The following FGF14 variants were observed in gnomAD, a reference collection of about 807,000 sequenced individuals.
FGF14 encodes the protein fibroblast growth factor 14, also known as fibroblast growth factor homologous factor 4.
Under a neutral mutation model 25.5 loss-of-function variants are expected in FGF14, and 5 were observed. The observed-to-expected ratio is 0.20, with a 90% confidence interval of 0.10 to 0.41. The LOEUF (loss-of-function observed/expected upper bound fraction) is 0.41. FGF14 is among the 10% of genes least tolerant of loss of function. FGF14 has a pLI of 1.00. For missense variants in FGF14, 222 were observed against 320.1 expected (o/e 0.69, Z 2.34); for synonymous variants, 138 against 118.3 (o/e 1.17, Z -1.08).
intron 1 of FGF14, among the ~76,000 whole-genome samples, chr13:102,321,520 T>C (rs1442324854): frequency 6.6e-6 from 1 of 152,216 alleles, no homozygotes; most frequent in African/African-American, 2.4e-5. Context: ...TTGCTAATTA[T>C]TGGAAATTTT....
chr13:102,320,996 T>TTAC (rs2056222196), intron 1 of FGF14, among the ~76,000 whole-genome samples: 1 of 152,194 alleles, frequency 6.6e-6, no homozygotes, highest in South Asian at 2.1e-4. Context: ...ATTTATAACC[T>TTAC]GGGTAGCTGG....
At chr13:101,837,718 C>T (rs541530906) in intron 3 of FGF14, among the ~76,000 whole-genome samples, 1 of 152,172 alleles carries the variant, frequency 6.6e-6, no homozygotes, top group South Asian at 2.1e-4. Flanking sequence ...ATCACTTTCA[C>T]AATTTTCAAT....
chr13:102,062,265 C>G (rs561537985), intron 1 of FGF14, among the ~76,000 whole-genome samples: 2 of 151,918 alleles, frequency 1.3e-5, no homozygotes. Context: ...AAATAGAAAA[C>G]TCTACTTACT....
At chr13:101,865,438 A>G (rs908861289) in intron 3 of FGF14, among the ~76,000 whole-genome samples, 1 of 152,128 alleles carries the variant, frequency 6.6e-6, no homozygotes, top group African/African-American at 2.4e-5. Context: ...CCCACACTGT[A>G]CCTTCAATCA....
At chr13:102,078,142 G>A (rs2043448563) in intron 1 of FGF14, among the ~76,000 whole-genome samples, 1 of 151,980 alleles carries the variant, frequency 6.6e-6, no homozygotes, top group African/African-American at 2.4e-5. Flanking sequence ...TACGGGGTGG[G>A]GGCTCAGAAG....
chr13:102,031,199 T>C (rs2041190387), intron 1 of FGF14, among the ~76,000 whole-genome samples: 1 of 152,090 alleles, frequency 6.6e-6, no homozygotes, highest in African/African-American at 2.4e-5. Context: ...GCATACTTAT[T>C]TTGTACCCTT....
intron 1 of FGF14, among the ~76,000 whole-genome samples, chr13:102,348,481 C>T (rs2057178369): frequency 6.6e-6 from 1 of 152,162 alleles, no homozygotes; most frequent in South Asian, 2.1e-4. Context: ...TTAAGGACTA[C>T]AGGAAGTGAG....
At chr13:101,952,245 G>A (rs1203605849) in intron 1 of FGF14, among the ~76,000 whole-genome samples, 1 of 152,114 alleles carries the variant, frequency 6.6e-6, no homozygotes, top group Non-Finnish European at 1.5e-5. Flanking sequence ...AGGATTCCAA[G>A]TCTTTCCACT....
intron 1 of FGF14, among the ~76,000 whole-genome samples, chr13:102,047,066 G>C (rs530021663): frequency 2.0e-5 from 3 of 152,000 alleles, no homozygotes. Context: ...AGGAATTGGC[G>C]AAGTATACTC....
intron 1 of FGF14, among the ~76,000 whole-genome samples, chr13:101,931,516 T>A (rs537505054): frequency 3.9e-5 from 6 of 152,262 alleles, no homozygotes; most frequent in Admixed American, 3.9e-4. Flanking sequence ...CCCTCTCTCC[T>A]CCTCCACCAT....
At chr13:101,819,287 C>T (rs2041996950) in intron 3 of FGF14, among the ~76,000 whole-genome samples, 1 of 152,060 alleles carries the variant, frequency 6.6e-6, no homozygotes, top group South Asian at 2.1e-4. Context: ...AGAAAAACAG[C>T]CAAGATTATT....
At chr13:102,069,930 A>G (rs557729562) in intron 1 of FGF14, among the ~76,000 whole-genome samples, 1 of 152,320 alleles carries the variant, frequency 6.6e-6, no homozygotes, top group Non-Finnish European at 1.5e-5. Flanking sequence ...TGAAACTACT[A>G]AAAGAAAACA....
intron 2 of FGF14, among the ~76,000 whole-genome samples, chr13:101,869,688 T>C (rs576020943): frequency 6.6e-6 from 1 of 152,258 alleles, no homozygotes; most frequent in Non-Finnish European, 1.5e-5. Context: ...CAAGTCCTTC[T>C]TAACTAAGTC....
chr13:102,388,921 G>T (rs555380092), intron 1 of FGF14, among the ~76,000 whole-genome samples: 1 of 152,096 alleles, frequency 6.6e-6, no homozygotes, highest in African/African-American at 2.4e-5. Context: ...TCACTAAGCC[G>T]CTAAAATATG....
intron 1 of FGF14, among the ~76,000 whole-genome samples, chr13:101,944,569 A>G (rs1010615586): frequency 2.0e-5 from 3 of 152,218 alleles, no homozygotes; most frequent in African/African-American, 7.2e-5. Flanking sequence ...TACAATATTA[A>G]AGCTCACTAT....
At chr13:102,320,134 G>A (rs895708092) in intron 1 of FGF14, among the ~76,000 whole-genome samples, 7 of 152,006 alleles carry the variant, frequency 4.6e-5, no homozygotes, top group South Asian at 2.1e-4. Context: ...ATAATCGTTC[G>A]GGAGATAATC....
intron 1 of FGF14, among the ~76,000 whole-genome samples, chr13:102,379,016 C>A (rs946272032): frequency 6.6e-6 from 1 of 152,002 alleles, no homozygotes; most frequent in Non-Finnish European, 1.5e-5. Context: ...CTCTGTCCAG[C>A]CTATGAAGGA....
At chr13:102,032,652 A>G (rs937293997) in intron 1 of FGF14, among the ~76,000 whole-genome samples, 4 of 152,128 alleles carry the variant, frequency 2.6e-5, no homozygotes, top group African/African-American at 4.8e-5. Flanking sequence ...GGCCACCCAC[A>G]TATCAGTGTG....
intron 1 of FGF14, among the ~76,000 whole-genome samples, chr13:102,070,077 C>T (rs942418974): frequency 4.6e-5 from 7 of 152,114 alleles, no homozygotes; most frequent in Non-Finnish European, 7.4e-5. Context: ...TGGAAACAAT[C>T]AACAAAGTGA....
Sources: gnomAD v4.1 joint callset for allele counts (sites outside exome capture counted in the v4.1 genomes callset) on GRCh38, gnomAD v4.1.1 for gene constraint, MANE v1.5 for transcripts, NCBI Gene and HGNC (gene_info 2026-07-23, HGNC 2026-07-21) for gene names.